Variants in PARP14 observed in about 807,000 individuals in gnomAD.
PARP14 encodes the protein poly(ADP-ribose) polymerase family member 14, also known as protein mono-ADP-ribosyltransferase PARP14.
Under a neutral mutation model 154.2 loss-of-function variants are expected in PARP14, and 59 were observed. That is an observed-to-expected ratio of 0.38 (90% confidence interval 0.31 to 0.48). The LOEUF (loss-of-function observed/expected upper bound fraction) is 0.48. Ranked by LOEUF, PARP14 falls within the 20% of genes least tolerant of loss-of-function variation. The probability of loss-of-function intolerance (pLI) is 0.98; values close to 1 mark genes in which losing one functional copy is unlikely to be tolerated. For synonymous variants in PARP14, 720 were observed against 780.5 expected, an observed-to-expected ratio of 0.92 and a Z score of 1.29; for missense variants, 1,734 against 2,131.6, an observed-to-expected ratio of 0.81 and a Z score of 3.67.
chr3:122,720,157 G>T, intron 14 of PARP14, 98 bp from the exon 15 acceptor site: 1 of 1,203,470 alleles, frequency 8.3e-7, no homozygotes. Flanking sequence ...CTCTTTGAAT[G>T]CTTAGAATTG....
In PARP14 at chr3:122,700,870, C is replaced by G. The variant is rs972447318; in HGVS notation, c.2316C>G (p.Tyr772Ter). Residue 772 changes from tyrosine (Y) to a stop codon, truncating the protein, a stop_gained, in exon 6 of 17, where the codon TAC (tyrosine) becomes TAG (stop). Coordinates refer to ENST00000474629, the MANE Select transcript of PARP14 (RefSeq NM_017554.3). LOFTEE classifies it high-confidence loss of function. ...AGATCAAACGGTTGTTTGGTTGTTACATTGAACTACAGGAGAATGAAGTAA... is the reference window on the plus strand; with the variant it reads ...AGATCAAACGGTTGTTTGGTTGTTAGATTGAACTACAGGAGAATGAAGTAA... ...QSEIKRLFGC[Y>*]IELQENEVMK... 3.1e-6 allele frequency: 5 copies of G among 1,613,904 alleles called. No individual in the cohort carries two copies. In the African/African-American group the frequency reaches 6.7e-5, roughly 22 times the overall value.
chr3:122,727,760 A>G, intron 15 of PARP14, 52 bp from the exon 16 acceptor site: 2 of 1,151,140 alleles, frequency 1.7e-6, no homozygotes, highest in Non-Finnish European at 2.5e-6. Context: ...TTTGCTGTAT[A>G]TTGGCAAGTG....
At chr3:122,684,934 A>G (rs113621815) in intron 1 of PARP14, among the ~76,000 whole-genome samples, 16 of 152,364 alleles carry the variant, frequency 1.1e-4, no homozygotes, top group African/African-American at 3.6e-4. Flanking sequence ...TTACAAATAG[A>G]CAAGAAAACT....
At chr3:122,726,156 T>G (rs1933281944) in intron 15 of PARP14, among the ~76,000 whole-genome samples, 1 of 152,232 alleles carries the variant, frequency 6.6e-6, no homozygotes, top group African/African-American at 2.4e-5. Flanking sequence ...TTATATTTAT[T>G]TATATGTACC....
intron 7 of PARP14, 96 bp downstream of exon 7, chr3:122,704,074 T>C: frequency 1.3e-6 from 1 of 787,826 alleles, no homozygotes; most frequent in Non-Finnish European, 2.1e-6. Flanking sequence ...GCCTTGTCTG[T>C]TTCTCTTCCA....
chr3:122,695,742 A>T, intron 5 of PARP14, 80 bp downstream of exon 5: 1 of 673,352 alleles, frequency 1.5e-6, no homozygotes, highest in Non-Finnish European at 2.6e-6. Flanking sequence ...TTTAGTTCTG[A>T]TGTGTTTTAT....
At chr3:122,690,079 G>T (rs999411917) in intron 3 of PARP14, among the ~76,000 whole-genome samples, 4 of 152,150 alleles carry the variant, frequency 2.6e-5, no homozygotes, top group Non-Finnish European at 5.9e-5. Flanking sequence ...TGCCAGCCCA[G>T]CCCTTTTATC....
chr3:122,710,647 G>A (rs578210623), intron 9 of PARP14, among the ~76,000 whole-genome samples: 1 of 152,176 alleles, frequency 6.6e-6, no homozygotes, highest in African/African-American at 2.4e-5. Flanking sequence ...GCTTTGGGCA[G>A]AATGGTCATT....
At chr3:122,724,302 CT>C (rs35510761) in intron 15 of PARP14, among the ~76,000 whole-genome samples, 8,805 of 145,804 alleles carry the variant, frequency 0.06, 296 homozygotes, top group African/African-American at 0.098. Flanking sequence ...TTTATGTTTT[CT>C]TTTTTTTTTT....
Position 122,708,195 on chromosome 3 carries a change from T to C in PARP14, c.3546T>C (p.Phe1182=). ...HPSDHENIQA[F]SDEFARRANG... ...ACGCTGTGTTTATATTTCAGGCATTTTCAGATGAATTTGCCAGAAGGGCTA... is the reference window on the plus strand; with the variant it reads ...ACGCTGTGTTTATATTTCAGGCATTCTCAGATGAATTTGCCAGAAGGGCTA... The change falls in exon 9 of 17, where the codon TTT becomes TTC. Residue 1182 remains phenylalanine, a synonymous_variant. Transcript: ENST00000474629. 1 of 1,546,324 alleles carries C rather than the reference T, an allele frequency of 6.5e-7. No homozygotes were observed. Among genetic ancestry groups the C allele is most frequent in the East Asian group, 2.3e-5 (1 of 43,092 alleles).
intron 12 of PARP14, among the ~76,000 whole-genome samples, chr3:122,715,030 C>G (rs1213952062): frequency 1.3e-5 from 2 of 152,102 alleles, no homozygotes; most frequent in Non-Finnish European, 2.9e-5. Context: ...TTCTTCTTTT[C>G]CTAAAACTAG....
chr3:122,699,338 A>G lies in PARP14; in HGVS notation c.836-52A>G, dbSNP rs1317803547. Reference sequence around the variant, plus strand: ...AATAGGAAAATTTTGTTTTGTTTTTATTTGCCATATATCATCCTGGGCTTA... The same window carrying G: ...AATAGGAAAATTTTGTTTTGTTTTTGTTTGCCATATATCATCCTGGGCTTA... On this transcript the variant is annotated intron_variant, in intron 5 of 16. Coordinates refer to ENST00000474629, the MANE Select transcript of PARP14 (RefSeq NM_017554.3). 31 of 1,081,320 alleles carry G rather than the reference A, an allele frequency of 2.9e-5. No individual in the cohort carries two copies. In the Admixed American group the frequency reaches 3.3e-4, roughly 12 times the overall value. The allele number at this position is 1,081,320 out of a possible 1,614,324, so 67.0% of individuals were successfully genotyped here.
intron 9 of PARP14, among the ~76,000 whole-genome samples, chr3:122,712,183 T>A (rs921550822): frequency 6.6e-6 from 1 of 152,298 alleles, no homozygotes. Flanking sequence ...TCATGGATCA[T>A]AGTTATAGTA....
At chr3:122,709,920 T>G (rs1054338010) in intron 9 of PARP14, among the ~76,000 whole-genome samples, 2 of 151,598 alleles carry the variant, frequency 1.3e-5, no homozygotes, top group Admixed American at 6.6e-5. Flanking sequence ...TTGTTTGTTT[T>G]TTCTTGCGAT....
chr3:122,728,310 G>A lies in PARP14; in HGVS notation c.5119G>A (p.Val1707Met). 6.2e-7 allele frequency: 1 copy of A among 1,611,048 alleles called. No homozygotes were observed. The highest frequency in any genetic ancestry group is 1.3e-5 in the African/African-American group (1 of 75,006). The part of the protein sequence containing the change: ...FNRSYAGKNA[V>M]AYGKGTYFAV... ...AAAAATGGTTTTTCTTTTCACAGCTGTGGCATATGGAAAGGGAACCTATTT... is the reference window on the plus strand; with the variant it reads ...AAAAATGGTTTTTCTTTTCACAGCTATGGCATATGGAAAGGGAACCTATTT... The change falls in exon 17 of 17, where the codon GTG (valine) becomes ATG (methionine). Residue 1707 changes from valine (V) to methionine (M), a missense_variant and splice_region_variant. Physicochemically the swap from Val to Met is conservative, Grantham distance 21 (BLOSUM62 1). This residue lies in a region of PARP14 where 88 missense variants were observed against 155.6 expected (regional missense o/e 0.57). Coordinates refer to ENST00000474629, the MANE Select transcript of PARP14 (RefSeq NM_017554.3).
At position 122,700,839 on chromosome 3, in the gene PARP14, A is replaced by G. The variant is rs376573827; in HGVS notation, c.2285A>G (p.Gln762Arg). Residue 762 changes from glutamine to arginine, a missense_variant, in exon 6 of 17, where the codon CAA (glutamine) becomes CGA (arginine). Transcript: ENST00000474629. ...TTCCAGGATAAAGCACGGTTTTATC[A>G]AAGTGAGATCAAACGGTTGTTTGGT... ...QFFQDKARFYQSEIKRLFGCY... is the reference protein window; with the variant it reads ...QFFQDKARFYRSEIKRLFGCY... The G allele has an allele frequency of 4.3e-6, 7 of 1,613,898 alleles. No homozygotes were observed. In the African/African-American group the frequency reaches 8.0e-5, roughly 18 times the overall value.
At position 122,680,981 on chromosome 3, in the gene PARP14, G is replaced by A; in HGVS notation, c.98G>A (p.Ser33Asn). 6.2e-7 allele frequency: 1 copy of A among 1,613,662 alleles called. No homozygotes were observed. Among genetic ancestry groups the A allele is most frequent in the Non-Finnish European group, 8.5e-7 (1 of 1,179,616 alleles). The change falls in exon 1 of 17, where the codon AGC (serine) becomes AAC (asparagine). Residue 33 changes from serine (S) to asparagine (N), a missense_variant. This residue lies in a region of PARP14 where 1,646 missense variants were observed against 1,976.0 expected (regional missense o/e 0.83). Coordinates refer to ENST00000474629, the MANE Select transcript of PARP14 (RefSeq NM_017554.3). ...LNTKLQMYFQ[S>N]PKRSGGGECE... ...ACCAAGTTGCAGATGTACTTCCAGA[G>A]CCCGAAGAGGTCGGGAGGCGGCGAG...
intron 6 of PARP14, among the ~76,000 whole-genome samples, chr3:122,702,993 T>TAAAAAAAAAAAAAAAAAAA (rs10707029): frequency 8.3e-5 from 7 of 83,930 alleles, no homozygotes; most frequent in East Asian, 3.2e-4. Flanking sequence ...CCCTCTCTCT[T>TAAAAAAAAAAAAAAAAAAA]AAAAAAAAAA....
At position 122,727,876 on chromosome 3, in the gene PARP14, C is replaced by T. The variant is rs1640070918; in HGVS notation, c.5006C>T (p.Ala1669Val). The T allele has an allele frequency of 2.5e-6, 4 of 1,612,900 alleles. No individual in the cohort carries two copies. Among genetic ancestry groups the T allele is most frequent in the Non-Finnish European group, 3.4e-6 (4 of 1,179,034 alleles). ...CAGGCAAAGAAAAAAACTATGGATG[C>T]CAAGAATGGCCAGACAATGAATGAG... Reference protein sequence around the residue: ...SYQAKKKTMDAKNGQTMNEKQ... With the variant: ...SYQAKKKTMDVKNGQTMNEKQ... The change falls in exon 16 of 17, where the codon GCC becomes GTC. Residue 1669 changes from alanine to valine, a missense_variant. Ala to Val is a moderately conservative substitution (Grantham distance 64). Around this residue, in one of 2 missense-constraint regions of PARP14, gnomAD observed 1,646 missense variants for 1,976.0 expected, o/e 0.83. Transcript: ENST00000474629.
Sources: gnomAD v4.1 joint callset for allele counts (sites outside exome capture counted in the v4.1 genomes callset) on GRCh38, gnomAD v4.1.1 for gene constraint, gnomAD v4.1.1 regional missense constraint, MANE v1.5 for transcripts, NCBI Gene and HGNC (gene_info 2026-07-23, HGNC 2026-07-21) for gene names.